Variants in SGMS1 observed in about 807,000 individuals in gnomAD.
The protein encoded by SGMS1 is sphingomyelin synthase 1, also known as phosphatidylcholine:ceramide cholinephosphotransferase 1.
A neutral mutation model predicts 46.2 loss-of-function variants in SGMS1; 13 were observed. The observed-to-expected ratio is 0.28, with a 90% CI of 0.18 to 0.45. The LOEUF (loss-of-function observed/expected upper bound fraction) is 0.45. Ranked by LOEUF, SGMS1 falls within the 20% of genes least tolerant of loss-of-function variation. The pLI is 1.00. For missense variants in SGMS1, 324 were observed against 519.9 expected (o/e 0.62, Z 3.66); for synonymous variants, 203 against 187.8 (o/e 1.08, Z -0.66).
Position 50,343,928 on chromosome 10 carries a change from T to C in SGMS1, c.187A>G (p.Met63Val), listed in dbSNP as rs1847867396. 1.5e-5 allele frequency: 25 copies of C among 1,613,988 alleles called. No individual in the cohort carries two copies. Among genetic ancestry groups the C allele is most frequent in the Non-Finnish European group, 2.0e-5 (24 of 1,179,868 alleles). The stretch of plus-strand genomic sequence containing the variant: ...TGCTCCATTTTCAGGGTTTCTATCA[T>C]GTCCAGGAGCCGCTGCCCATTGTCA... ...SSDNGQRLLD[M>V]IETLKMEHHL... Residue 63 changes from methionine (M) to valine (V), a missense_variant, in exon 7 of 11, where the codon ATG becomes GTG. Transcript: ENST00000361781.
At chr10:50,578,498 T>C (rs963608691) in intron 2 of SGMS1, among the ~76,000 whole-genome samples, 1 of 152,238 alleles carries the variant, frequency 6.6e-6, no homozygotes, top group Non-Finnish European at 1.5e-5. Context: ...TATAAATTTA[T>C]TGGTATTTTA....
chr10:50,498,784 C>T (rs1056462567), intron 3 of SGMS1, among the ~76,000 whole-genome samples: 1 of 152,198 alleles, frequency 6.6e-6, no homozygotes, highest in African/African-American at 2.4e-5. Context: ...GGTGTACAAA[C>T]ATATCTTCAA....
chr10:50,581,990 G>A (rs2131878037), intron 2 of SGMS1, among the ~76,000 whole-genome samples: 1 of 152,342 alleles, frequency 6.6e-6, no homozygotes, highest in Admixed American at 6.5e-5. Flanking sequence ...CCGTCTGCAA[G>A]GAAACAGCAA....
At chr10:50,409,203 G>A (rs998190186) in intron 6 of SGMS1, among the ~76,000 whole-genome samples, 39 of 152,136 alleles carry the variant, frequency 2.6e-4, no homozygotes, top group Admixed American at 2.2e-3. Flanking sequence ...CAAAGTATTT[G>A]AGATATCCAT....
At chr10:50,382,409 TG>T (rs1848619417) in intron 6 of SGMS1, among the ~76,000 whole-genome samples, 1 of 152,132 alleles carries the variant, frequency 6.6e-6, no homozygotes, top group Non-Finnish European at 1.5e-5. Flanking sequence ...CATACAAAAC[TG>T]ATACAAGTTA....
At chr10:50,467,803 C>T (rs1438291512) in intron 3 of SGMS1, among the ~76,000 whole-genome samples, 1 of 152,184 alleles carries the variant, frequency 6.6e-6, no homozygotes, top group East Asian at 1.9e-4. Flanking sequence ...TAGTGGCTGA[C>T]TGCAAAGTGG....
chr10:50,317,378 T>C (rs1847356787), intron 8 of SGMS1, among the ~76,000 whole-genome samples: 1 of 152,214 alleles, frequency 6.6e-6, no homozygotes, highest in Admixed American at 6.5e-5. Context: ...TCCCATCAGT[T>C]ATCTCACTGT....
intron 2 of SGMS1, among the ~76,000 whole-genome samples, chr10:50,587,520 C>A (rs1838495590): frequency 1.3e-5 from 2 of 152,226 alleles, no homozygotes; most frequent in East Asian, 3.9e-4. Context: ...GTAATCCCAG[C>A]TACTCGGGAG....
At chr10:50,547,091 A>G (rs905454674) in intron 2 of SGMS1, among the ~76,000 whole-genome samples, 3 of 152,220 alleles carry the variant, frequency 2.0e-5, no homozygotes, top group South Asian at 2.1e-4. Context: ...AGTATACTCT[A>G]TATCACTAAA....
intron 9 of SGMS1, among the ~76,000 whole-genome samples, chr10:50,309,052 G>T (rs908987552): frequency 6.6e-5 from 10 of 152,124 alleles, no homozygotes; most frequent in African/African-American, 2.2e-4. Flanking sequence ...TCCCTTCCTA[G>T]TGGGGAAGAG....
At chr10:50,444,736 AT>A (rs1305113542) in intron 5 of SGMS1, among the ~76,000 whole-genome samples, 1 of 147,552 alleles carries the variant, frequency 6.8e-6, no homozygotes, top group Non-Finnish European at 1.5e-5. Context: ...TAAAAAAAAA[AT>A]ACTTTGAGAG....
intron 7 of SGMS1, chr10:50,343,087 G>A (rs570085090): frequency 1.3e-5 from 2 of 159,292 alleles, no homozygotes; most frequent in African/African-American, 4.8e-5. Flanking sequence ...CTGACTCTGT[G>A]TGGGAAAAGC....
intron 3 of SGMS1, among the ~76,000 whole-genome samples, chr10:50,501,159 C>T (rs1337947201): frequency 1.3e-5 from 2 of 152,134 alleles, no homozygotes; most frequent in African/African-American, 2.4e-5. Flanking sequence ...TATACTTCCC[C>T]CAAATGTGCC....
chr10:50,554,937 T>G (rs1247859140), intron 2 of SGMS1, among the ~76,000 whole-genome samples: 1 of 152,218 alleles, frequency 6.6e-6, no homozygotes, highest in Non-Finnish European at 1.5e-5. Context: ...AGCACAGAAT[T>G]TCAATGCTGG....
intron 2 of SGMS1, among the ~76,000 whole-genome samples, chr10:50,571,468 T>C (rs1302353085): frequency 6.6e-6 from 1 of 152,226 alleles, no homozygotes; most frequent in African/African-American, 2.4e-5. Context: ...ACCTTTTCCA[T>C]TTCCTGCAGT....
chr10:50,562,840 G>A (rs563374447), intron 2 of SGMS1, among the ~76,000 whole-genome samples: 2 of 152,072 alleles, frequency 1.3e-5, no homozygotes, highest in Admixed American at 6.6e-5. Context: ...CACCGCGCCC[G>A]GCCGTCTCCA....
intron 2 of SGMS1, among the ~76,000 whole-genome samples, chr10:50,584,819 C>A (rs1024066097): frequency 3.1e-4 from 47 of 152,190 alleles, no homozygotes; most frequent in African/African-American, 1.1e-3. Flanking sequence ...GCAACTATAA[C>A]ATCCAAACAA....
At chr10:50,438,577 C>T (rs1008578621) in intron 5 of SGMS1, among the ~76,000 whole-genome samples, 2 of 152,160 alleles carry the variant, frequency 1.3e-5, no homozygotes, top group East Asian at 1.9e-4. Context: ...CCCAGACTCC[C>T]GACCCACAGA....
chr10:50,574,963 G>GTATGTATATA (rs1554793450), intron 2 of SGMS1, among the ~76,000 whole-genome samples: 4 of 99,876 alleles, frequency 4.0e-5, no homozygotes, highest in African/African-American at 1.2e-4. Context: ...AAAATGTGGT[G>GTATGTATATA]TATATATATA....
Sources: gnomAD v4.1 joint callset for allele counts (sites outside exome capture counted in the v4.1 genomes callset) on GRCh38, gnomAD v4.1.1 for gene constraint, MANE v1.5 for transcripts, NCBI Gene and HGNC (gene_info 2026-07-23, HGNC 2026-07-21) for gene names.